ASB2: variants seen among roughly 807,000 people sequenced by gnomAD.
ASB2 encodes ankyrin repeat and SOCS box containing 2, also known as ankyrin repeat and SOCS box protein 2.
Under a neutral mutation model 62.4 loss-of-function variants are expected in ASB2, and 58 were observed. That is an observed-to-expected ratio of 0.93 (90% CI 0.75 to 1.16). The LOEUF (loss-of-function observed/expected upper bound fraction) is 1.16. ASB2 is among the 50% of genes most tolerant of loss of function. ASB2 has a pLI of 0.00. For synonymous variants in ASB2, 386 were observed against 385.3 expected, an observed-to-expected ratio of 1.00 and a Z score of -0.02; for missense variants, 928 against 887.9, an observed-to-expected ratio of 1.05 and a Z score of -0.57.
At chr14:93,974,305 C>A (rs1889846759) in intron 1 of ASB2, among the ~76,000 whole-genome samples, 1 of 152,188 alleles carries the variant, frequency 6.6e-6, no homozygotes, top group South Asian at 2.1e-4. Flanking sequence ...ACATTCCTCC[C>A]AACCACAAAG....
chr14:93,946,274 C>T (rs538554127), intron 7 of ASB2, among the ~76,000 whole-genome samples: 2 of 152,316 alleles, frequency 1.3e-5, no homozygotes, highest in African/African-American at 4.8e-5. Flanking sequence ...ACCCGCATAC[C>T]CGCAGCACAG....
intron 1 of ASB2, among the ~76,000 whole-genome samples, chr14:93,967,102 T>G (rs556693491): frequency 1.3e-5 from 2 of 152,352 alleles, no homozygotes; most frequent in South Asian, 4.1e-4. Flanking sequence ...TCCTCTCTTG[T>G]GTCCTCAGTT....
rs115718119 is a variant in ASB2, at chr14:93,971,414, T to C, written c.-74+5020A>G. On this transcript the variant is annotated intron_variant, in intron 1 of 9. Coordinates refer to ENST00000555019, the MANE Select transcript of ASB2 (RefSeq NM_001202429.2). ...TCACATCATCTGCTGCCCTAGACTT[T>C]GGAGGCTTGAATTTCTGCACGAGGT... 4.7e-3 allele frequency among the ~76,000 whole-genome samples: 712 copies of C among 152,322 alleles called. 10 individuals carry two copies. The highest frequency in any genetic ancestry group is 0.017 in the African/African-American group (690 of 41,564).
chr14:93,934,522 T>C lies in ASB2; in HGVS notation c.*134A>G. On this transcript the variant is annotated 3_prime_UTR_variant, in exon 10 of 10. Transcript: ENST00000555019. ...GCCCTGAGACCCAGTGAGATCCTGG[T>C]AGCTGTCCAGGCTGAGAGGGAGGCA... 1 of 808,736 alleles carries C rather than the reference T, an allele frequency of 1.2e-6. No individual in the cohort carries two copies. The highest frequency in any genetic ancestry group is 1.7e-5 in the South Asian group (1 of 60,004). The allele number at this position is 808,736 out of a possible 1,614,324, so 50.1% of individuals were successfully genotyped here. A position where few individuals can be genotyped will look rare whatever the true frequency, so the allele number is the denominator to read the frequency against.
At chr14:93,950,745 T>C (rs1888921625) in intron 6 of ASB2, among the ~76,000 whole-genome samples, 1 of 152,146 alleles carries the variant, frequency 6.6e-6, no homozygotes, top group Non-Finnish European at 1.5e-5. Context: ...AAATGGCAAA[T>C]AGGTGGTCCG....
rs200328766 is a variant in ASB2 at position 93,939,136 on chromosome 14, G to T, written c.1589C>A (p.Ala530Glu). 28 of 1,546,862 alleles carry T rather than the reference G, an allele frequency of 1.8e-5. No homozygotes were observed. The highest frequency in any genetic ancestry group is 2.3e-5 in the Non-Finnish European group (26 of 1,143,170). ...CACCACGCTGGGCTCCTTGTCGGCC[G>T]CGGGCGCGTCGTTGAACCTGCTGGA... ...QPSSRFNDAP[A>E]ADKEPSVVQF... The change falls in exon 8 of 10, where the codon GCG becomes GAG. Residue 530 changes from alanine to glutamate, a missense_variant. Physicochemically the swap from Ala to Glu is moderately radical, Grantham distance 107. Coordinates refer to ENST00000555019, the MANE Select transcript of ASB2 (RefSeq NM_001202429.2).
At chr14:93,975,991 C>T (rs1373470993) in intron 1 of ASB2, among the ~76,000 whole-genome samples, 1 of 152,220 alleles carries the variant, frequency 6.6e-6, no homozygotes, top group Admixed American at 6.5e-5. Context: ...TCCCACAATA[C>T]CGTGCATGCC....
chr14:93,946,413 G>A (rs1186542032), intron 7 of ASB2, among the ~76,000 whole-genome samples: 1 of 152,234 alleles, frequency 6.6e-6, no homozygotes, highest in African/African-American at 2.4e-5. Flanking sequence ...TGCTGGGAAT[G>A]CTTAAAAACT....
At chr14:93,945,981 AT>A (rs1230426945) in intron 7 of ASB2, among the ~76,000 whole-genome samples, 1 of 152,238 alleles carries the variant, frequency 6.6e-6, no homozygotes, top group Non-Finnish European at 1.5e-5. Flanking sequence ...TTTAAAATTG[AT>A]TGTAAATGGA....
intron 2 of ASB2, among the ~76,000 whole-genome samples, chr14:93,964,003 C>G (rs1889495231): frequency 6.6e-6 from 1 of 152,176 alleles, no homozygotes; most frequent in Admixed American, 6.5e-5. Context: ...CCAGGCAGCT[C>G]TGATCTCGGC....
At chr14:93,956,933 G>T in intron 2 of ASB2, 63 bp from the exon 3 acceptor site, 1 of 1,605,562 alleles carries the variant, frequency 6.2e-7, no homozygotes, top group Non-Finnish European at 8.5e-7. Flanking sequence ...AGCGGGTCAT[G>T]GCTTCAGGCA....
intron 2 of ASB2, chr14:93,957,431 T>C: frequency 1.0e-6 from 1 of 985,198 alleles, no homozygotes; most frequent in Non-Finnish European, 1.2e-6. Flanking sequence ...TCTATAGTGT[T>C]ATTATAGGAT....
At chr14:93,973,396 A>G (rs1303250781) in intron 1 of ASB2, among the ~76,000 whole-genome samples, 1 of 152,212 alleles carries the variant, frequency 6.6e-6, no homozygotes, top group Non-Finnish European at 1.5e-5. Context: ...AAAAGAGAGC[A>G]AGAATGATGG....
Position 93,939,577 on chromosome 14 carries a change from T to A in ASB2, c.1148A>T (p.Glu383Val), listed in dbSNP as rs1567019688. 6.3e-7 allele frequency: 1 copy of A among 1,583,762 alleles called. No homozygotes were observed. The highest frequency in any genetic ancestry group is 8.6e-7 in the Non-Finnish European group (1 of 1,169,288). ...CGCGCTCAGCAGCGCCTCCAGCACC[T>A]CGTCGTGGTTGCGCTCGGCCGCCAG... ...LHLAAERNHD[E>V]VLEALLSARF... is the part of the protein sequence containing the mutation. Residue 383 changes from glutamate to valine, a missense_variant, in exon 8 of 10, where the codon GAG (glutamate) becomes GTG (valine). Glu to Val is a moderately radical substitution (Grantham distance 121). Coordinates refer to ENST00000555019, the MANE Select transcript of ASB2 (RefSeq NM_001202429.2).
intron 7 of ASB2, among the ~76,000 whole-genome samples, chr14:93,941,910 G>A (rs1029720224): frequency 1.3e-5 from 2 of 152,246 alleles, no homozygotes; most frequent in Non-Finnish European, 2.9e-5. Context: ...AGATCAGTGC[G>A]TCCAGCTTTC....
rs1206117729 is a variant in ASB2 at position 93,939,482 on chromosome 14, G to C, written c.1243C>G (p.Leu415Val). 2 of 1,611,332 alleles carry C rather than the reference G, an allele frequency of 1.2e-6. No homozygotes were observed. Reference sequence around the variant, plus strand: ...TTGTTGTTGACCACCGCGAAGTACAGCGCGGAGCTGCGCCGGTCTTCGTAG... The same window carrying C: ...TTGTTGTTGACCACCGCGAAGTACACCGCGGAGCTGCGCCGGTCTTCGTAG... Reference protein sequence around the residue: ...RLYEDRRSSALYFAVVNNNVY... With the variant: ...RLYEDRRSSAVYFAVVNNNVY... The change falls in exon 8 of 10, where the codon CTG (leucine) becomes GTG (valine). Residue 415 changes from leucine to valine, a missense_variant. Coordinates refer to ENST00000555019, the MANE Select transcript of ASB2 (RefSeq NM_001202429.2).
At position 93,939,183 on chromosome 14, in the gene ASB2, C is replaced by T; in HGVS notation, c.1542G>A (p.Pro514=). ...TGGAGGGCTGCGGGGCCGGCGGGTG[C>T]GGGCCGTTGCCGTAGAGGCATGAGA... ...PCFSCLYGNG[P]HPPAPQPSSR... The change falls in exon 8 of 10, where the codon CCG becomes CCA. Residue 514 remains proline, a synonymous_variant. Transcript: ENST00000555019. 2 of 1,585,952 alleles carry T rather than the reference C, an allele frequency of 1.3e-6. No homozygotes were observed. Among genetic ancestry groups the T allele is most frequent in the Non-Finnish European group, 8.6e-7 (1 of 1,161,538 alleles).
In ASB2 at chr14:93,956,622, A is replaced by G. The variant is rs1217450332; in HGVS notation, c.311+144T>C. ...AGGAGCAGTGGGGCCCCAGGGGGGC[A>G]CCCCTAGAAGGAGCGTGCCTGGCAG... On this transcript the variant is annotated intron_variant, in intron 3 of 9. Transcript: ENST00000555019. The G allele has an allele frequency of 2.7e-6, 3 of 1,092,652 alleles. No homozygotes were observed. In the East Asian group the frequency reaches 7.7e-5, roughly 28 times the overall value. The allele number at this position is 1,092,652 out of a possible 1,614,324, so 67.7% of individuals were successfully genotyped here.
At chr14:93,956,121 G>A (rs3765492) in intron 3 of ASB2, among the ~76,000 whole-genome samples, 9,864 of 152,226 alleles carry the variant, frequency 0.065, 413 homozygotes, top group Non-Finnish European at 0.09. Context: ...TTTTGCTTTT[G>A]GCTGCTTCCG....
Sources: allele counts gnomAD v4.1 joint callset (sites outside exome capture counted in the v4.1 genomes callset), GRCh38; gene constraint gnomAD v4.1.1; transcripts MANE v1.5; gene names NCBI Gene and HGNC (gene_info 2026-07-23, HGNC 2026-07-21).